IST1: variants seen among roughly 807,000 people sequenced by gnomAD.
IST1 encodes IST1 factor associated with ESCRT-III.
Under a neutral mutation model 37.0 loss-of-function variants are expected in IST1, and 23 were observed. That is an observed-to-expected ratio of 0.62 (90% CI 0.45 to 0.88). The LOEUF (loss-of-function observed/expected upper bound fraction) is 0.88, where lower values mean the gene tolerates loss of function less well. Among genes scored for constraint, IST1 ranks in the 40% least tolerant of loss-of-function variants. IST1 has a pLI of 0.00. For missense variants in IST1, 488 were observed against 445.4 expected, an observed-to-expected ratio of 1.10 and a Z score of -0.86; for synonymous variants, 180 against 161.7, an observed-to-expected ratio of 1.11 and a Z score of -0.86.
At chr16:71,927,486 C>CAAA (rs34382355) in intron 9 of IST1, 128 bp from the exon 10 acceptor site, 391 of 600,480 alleles carry the variant, frequency 6.5e-4, no homozygotes, top group African/African-American at 3.3e-3. Flanking sequence ...GAGACTGTCT[C>CAAA]AAAAAAAAAA....
chr16:71,895,812 C>T (rs777926438), intron 1 of IST1, among the ~76,000 whole-genome samples: 2 of 152,232 alleles, frequency 1.3e-5, no homozygotes, highest in Admixed American at 1.3e-4. Flanking sequence ...GGGGGCGTGG[C>T]AGGGCCGCGA....
chr16:71,897,152 C>T (rs1299663661), intron 1 of IST1, among the ~76,000 whole-genome samples: 2 of 147,650 alleles, frequency 1.4e-5, no homozygotes, highest in Non-Finnish European at 3.0e-5. Flanking sequence ...TAGTAGCTGA[C>T]ACTACAGGCC....
At chr16:71,925,041 C>T (rs1275059570) in intron 9 of IST1, among the ~76,000 whole-genome samples, 2 of 138,648 alleles carry the variant, frequency 1.4e-5, no homozygotes, top group Non-Finnish European at 3.0e-5. Flanking sequence ...GAGATGGAGT[C>T]TTGCTCTGTT....
rs1163852871 is a variant in IST1 at position 71,928,884 on chromosome 16, T to TA, written c.*1072dup. 1.3e-5 allele frequency: 2 copies of TA among 152,256 alleles called. No individual in the cohort carries two copies. The highest frequency in any genetic ancestry group is 4.8e-5 in the African/African-American group (2 of 41,442). 9.4% of individuals were successfully genotyped at this position (152,256 alleles called of 1,614,324 possible). A position where few individuals can be genotyped will look rare whatever the true frequency, so the allele number is the denominator to read the frequency against. On this transcript the variant is annotated 3_prime_UTR_variant, in exon 10 of 10. Transcript: ENST00000378799. ...CAGGGGTGGCTTTGGGATTGGATGA[T>TA]ACAGCTTTTGCTTCTGTGTAGTATA...
At chr16:71,918,354 G>T (rs756924010) in intron 4 of IST1, among the ~76,000 whole-genome samples, 3 of 151,746 alleles carry the variant, frequency 2.0e-5, no homozygotes, top group Admixed American at 2.0e-4. Context: ...GGGTACCAGG[G>T]ATAGTAATTG....
chr16:71,924,826 T>TATCA lies in IST1; in HGVS notation c.901+14_901+17dup, dbSNP rs761568171. On this transcript the variant is annotated intron_variant, in intron 9 of 9. Coordinates refer to ENST00000378799, the MANE Select transcript of IST1 (RefSeq NM_001270975.2). The stretch of plus-strand genomic sequence containing the variant: ...TTCTGCACAGATTGTTGGTGAGTAG[T>TATCA]ATCAATCAGAAACCTGCAGAGCTCA... 7.5e-6 allele frequency: 12 copies of TATCA among 1,589,640 alleles called. No homozygotes were observed. In the East Asian group the frequency reaches 2.0e-4, roughly 27 times the overall value.
At chr16:71,900,480 A>G (rs550843158) in intron 1 of IST1, among the ~76,000 whole-genome samples, 1 of 152,082 alleles carries the variant, frequency 6.6e-6, no homozygotes, top group Non-Finnish European at 1.5e-5. Context: ...GACTCAGTCC[A>G]TGGTTTTACT....
intron 4 of IST1, among the ~76,000 whole-genome samples, chr16:71,918,638 G>A (rs184185396): frequency 2.0e-5 from 3 of 152,070 alleles, no homozygotes; most frequent in Non-Finnish European, 2.9e-5. Flanking sequence ...GGCTGGTCTC[G>A]AACTCCTGAC....
rs968135842 is a variant in IST1, at chr16:71,902,277, G to GT, written c.-16+6698dup. ...ATGGTTCTTAATTTTAGATTTAATT[G>GT]TTTTTTTTTTGAGACAAAGTCTGGC... is the stretch of plus-strand genomic sequence containing the variant. On this transcript the variant is annotated intron_variant, in intron 1 of 9. Transcript: ENST00000378799. 1.6e-3 allele frequency among the ~76,000 whole-genome samples: 239 copies of GT among 148,300 alleles called. 1 individual carries two copies. Among genetic ancestry groups the GT allele is most frequent in the South Asian group, 3.0e-3 (14 of 4,638 alleles).
chr16:71,922,793 A>G, intron 7 of IST1, 113 bp downstream of exon 7: 2 of 832,480 alleles, frequency 2.4e-6, no homozygotes, highest in Non-Finnish European at 3.9e-6. Flanking sequence ...CAGTAAGAAC[A>G]TTTGGTATTA....
At position 71,929,416 on chromosome 16, in the gene IST1, G is replaced by A. The variant is rs532242468; in HGVS notation, c.*1603G>A. 10 of 1,002,542 alleles carry A rather than the reference G, an allele frequency of 1.0e-5. No homozygotes were observed. Among genetic ancestry groups the A allele is most frequent in the Admixed American group, 6.6e-5 (2 of 30,424 alleles). The allele number at this position is 1,002,542 out of a possible 1,614,324, so 62.1% of individuals were successfully genotyped here. ...AAGATCCATAAGAACTTGGGACCAA[G>A]GGGATTTTGATTCCTAACTTACAGA... On this transcript the variant is annotated 3_prime_UTR_variant, in exon 10 of 10. Transcript: ENST00000378799.
At chr16:71,903,179 C>G (rs1209901290) in intron 1 of IST1, 1 of 152,130 alleles carries the variant, frequency 6.6e-6, no homozygotes, top group East Asian at 1.9e-4. Flanking sequence ...TGGGGTCTTG[C>G]TACATTGTCC....
chr16:71,897,720 T>G (rs959440389), intron 1 of IST1, among the ~76,000 whole-genome samples: 1 of 143,726 alleles, frequency 7.0e-6, no homozygotes, highest in Non-Finnish European at 1.5e-5. Flanking sequence ...CCGAGGCGGG[T>G]GGATCACCTG....
At chr16:71,918,878 T>C (rs1279850558) in intron 4 of IST1, among the ~76,000 whole-genome samples, 1 of 152,136 alleles carries the variant, frequency 6.6e-6, no homozygotes, top group Non-Finnish European at 1.5e-5. Context: ...CAAATGCCAT[T>C]TATATCATAG....
chr16:71,907,156 T>A (rs1475569122), intron 1 of IST1, among the ~76,000 whole-genome samples: 1 of 150,930 alleles, frequency 6.6e-6, no homozygotes, highest in Non-Finnish European at 1.5e-5. Context: ...TTTGCTAAAT[T>A]TGGGAAGTTT....
rs941990710 is a variant in IST1, at chr16:71,927,651, T to G, written c.939T>G (p.Pro313=). 4 of 1,613,834 alleles carry G rather than the reference T, an allele frequency of 2.5e-6. No homozygotes were observed. In the African/African-American group the frequency reaches 5.3e-5, roughly 22 times the overall value. ...AGCCAGAAGCCTCTGCAAAGCTTCC[T>G]TCCAGACCTGCAGATAACTATGACA... ...GPKPEASAKL[P]SRPADNYDNF... is the part of the protein sequence containing the mutation. Residue 313 remains proline, a synonymous_variant, in exon 10 of 10, where the codon CCT becomes CCG. Transcript: ENST00000378799.
Position 71,929,977 on chromosome 16 carries a change from G to C in IST1, c.*2164G>C. 7.1e-7 allele frequency: 1 copy of C among 1,414,876 alleles called. No individual in the cohort carries two copies. The highest frequency in any genetic ancestry group is 2.5e-5 in the East Asian group (1 of 40,098). 87.6% of individuals were successfully genotyped at this position (1,414,876 alleles called of 1,614,324 possible). On this transcript the variant is annotated 3_prime_UTR_variant, in exon 10 of 10. Coordinates refer to ENST00000378799, the MANE Select transcript of IST1 (RefSeq NM_001270975.2). ...TGTGCATTATAAATTATGTCAGCCC[G>C]TCATCTTAGGGGCAGTTACAGTGGA...
chr16:71,906,599 G>A (rs964387703), intron 1 of IST1, among the ~76,000 whole-genome samples: 1 of 152,140 alleles, frequency 6.6e-6, no homozygotes, highest in African/African-American at 2.4e-5. Context: ...TACCAGGTGT[G>A]AGCCACCAGA....
rs147781163 is a variant in IST1, at chr16:71,926,127, C to T, written c.901+1310C>T. Among the ~76,000 whole-genome samples, 84 of 151,856 alleles carry T rather than the reference C, an allele frequency of 5.5e-4. 3 individuals are homozygous for T. In the East Asian group the frequency reaches 0.016, roughly 29 times the overall value. The stretch of plus-strand genomic sequence containing the variant: ...TGAAACCCTGTCTCTACTAAAAATA[C>T]ACAAATTAGCTGGGTGTGGTGGCAG... On this transcript the variant is annotated intron_variant, in intron 9 of 9. Transcript: ENST00000378799.
Sources: gnomAD v4.1 joint callset for allele counts (sites outside exome capture counted in the v4.1 genomes callset) on GRCh38, gnomAD v4.1.1 for gene constraint, MANE v1.5 for transcripts, NCBI Gene and HGNC (gene_info 2026-07-23, HGNC 2026-07-21) for gene names.